Variants in DNER observed in about 807,000 individuals in gnomAD.
DNER encodes delta/notch like EGF repeat containing, also known as delta and Notch-like epidermal growth factor-related receptor.
In DNER, 33 loss-of-function variants were observed where a neutral mutation model predicts 78.2. The observed-to-expected ratio is 0.42, with a 90% CI of 0.32 to 0.56. The LOEUF (loss-of-function observed/expected upper bound fraction) is 0.56. DNER is among the 20% of genes least tolerant of loss of function. The pLI is 0.11. For missense variants in DNER, 918 were observed against 975.3 expected, an observed-to-expected ratio of 0.94 and a Z score of 0.78; for synonymous variants, 417 against 384.8, an observed-to-expected ratio of 1.08 and a Z score of -0.98.
intron 1 of DNER, among the ~76,000 whole-genome samples, chr2:229,629,427 A>C (rs1225498929): frequency 6.6e-6 from 1 of 152,238 alleles, no homozygotes; most frequent in African/African-American, 2.4e-5. Context: ...ACAGCACTGT[A>C]GTCACTATGT....
At chr2:229,577,524 A>G (rs1358642446) in intron 4 of DNER, among the ~76,000 whole-genome samples, 1 of 152,034 alleles carries the variant, frequency 6.6e-6, no homozygotes, top group African/African-American at 2.4e-5. Context: ...AACCCCAGCT[A>G]CTCAGGAGGC....
intron 10 of DNER, among the ~76,000 whole-genome samples, chr2:229,389,065 C>G (rs537961182): frequency 6.6e-6 from 1 of 151,972 alleles, no homozygotes; most frequent in Admixed American, 6.6e-5. Context: ...TCAGGCCCAC[C>G]TAAGGAGAGA....
chr2:229,629,291 A>G (rs541064756), intron 1 of DNER, among the ~76,000 whole-genome samples: 6 of 152,344 alleles, frequency 3.9e-5, no homozygotes, highest in Admixed American at 2.6e-4. Context: ...GCTTTCCAAT[A>G]TTCTAGTAAG....
intron 10 of DNER, among the ~76,000 whole-genome samples, chr2:229,395,665 G>A (rs889747524): frequency 6.6e-6 from 1 of 152,220 alleles, no homozygotes; most frequent in African/African-American, 2.4e-5. Flanking sequence ...TTGGGAGGCT[G>A]AGGAGGGCGG....
At chr2:229,382,268 A>C (rs958075363) in intron 11 of DNER, among the ~76,000 whole-genome samples, 1 of 152,220 alleles carries the variant, frequency 6.6e-6, no homozygotes, top group African/African-American at 2.4e-5. Context: ...AAGGTCACCA[A>C]CATCAAAGAC....
At chr2:229,477,330 T>C in intron 6 of DNER, 77 bp from the exon 7 acceptor site, 3 of 1,036,446 alleles carry the variant, frequency 2.9e-6, no homozygotes, top group Non-Finnish European at 2.9e-6. Context: ...AATTGATGGA[T>C]TCAACTGGTA....
intron 11 of DNER, among the ~76,000 whole-genome samples, chr2:229,372,780 T>G (rs1692514850): frequency 6.6e-6 from 1 of 152,044 alleles, no homozygotes; most frequent in Admixed American, 6.6e-5. Context: ...TAACTTGACC[T>G]ATGGTGATGG....
intron 4 of DNER, among the ~76,000 whole-genome samples, chr2:229,568,029 G>A (rs572456127): frequency 4.6e-5 from 7 of 152,130 alleles, no homozygotes; most frequent in East Asian, 1.9e-4. Context: ...TATCTAACAC[G>A]GATCACAGCA....
At chr2:229,474,956 GTC>G (rs913844076) in intron 7 of DNER, among the ~76,000 whole-genome samples, 4 of 152,016 alleles carry the variant, frequency 2.6e-5, no homozygotes, top group African/African-American at 9.7e-5. Flanking sequence ...TCCCACTCTT[GTC>G]TCTCTCTATG....
At chr2:229,592,592 T>TGAAACTCA (rs766067393) in intron 1 of DNER, among the ~76,000 whole-genome samples, 217 of 152,288 alleles carry the variant, frequency 1.4e-3, no homozygotes, top group Non-Finnish European at 2.7e-3. Context: ...CAGTCATATG[T>TGAAACTCA]GTTTCAATTA....
At chr2:229,644,824 G>A (rs1434060886) in intron 1 of DNER, among the ~76,000 whole-genome samples, 1 of 152,056 alleles carries the variant, frequency 6.6e-6, no homozygotes, top group Non-Finnish European at 1.5e-5. Flanking sequence ...AAACTGTAAT[G>A]GGTATTTCAA....
intron 1 of DNER, among the ~76,000 whole-genome samples, chr2:229,698,964 T>C (rs563409266): frequency 1.3e-5 from 2 of 152,326 alleles, no homozygotes; most frequent in South Asian, 4.1e-4. Flanking sequence ...GAAATAAGGC[T>C]GTTCTCAAGG....
chr2:229,620,317 C>G (rs1298355158), intron 1 of DNER, among the ~76,000 whole-genome samples: 2 of 152,164 alleles, frequency 1.3e-5, no homozygotes, highest in Non-Finnish European at 2.9e-5. Context: ...ATCAAAATTA[C>G]CATTTAATCT....
intron 7 of DNER, among the ~76,000 whole-genome samples, chr2:229,466,345 G>T (rs12464613): frequency 2.0e-5 from 3 of 151,948 alleles, no homozygotes; most frequent in South Asian, 4.1e-4. Flanking sequence ...CCCTAACCTC[G>T]CCCTGCTTTT....
At chr2:229,463,504 A>T (rs1420584637) in intron 7 of DNER, among the ~76,000 whole-genome samples, 1 of 152,164 alleles carries the variant, frequency 6.6e-6, no homozygotes, top group Non-Finnish European at 1.5e-5. Flanking sequence ...ATAGTGGCAT[A>T]ATCATGGCTC....
intron 2 of DNER, among the ~76,000 whole-genome samples, chr2:229,589,176 A>G (rs1333842906): frequency 6.6e-6 from 1 of 152,202 alleles, no homozygotes; most frequent in African/African-American, 2.4e-5. Context: ...AACCTGGCCA[A>G]TTTATGCACT....
At chr2:229,564,856 A>G (rs917119625) in intron 4 of DNER, among the ~76,000 whole-genome samples, 5 of 152,142 alleles carry the variant, frequency 3.3e-5, no homozygotes, top group African/African-American at 1.2e-4. Flanking sequence ...AAGGAAATTT[A>G]TTGCTCACAG....
At chr2:229,659,248 C>T (rs1698964879) in intron 1 of DNER, among the ~76,000 whole-genome samples, 1 of 152,148 alleles carries the variant, frequency 6.6e-6, no homozygotes, top group South Asian at 2.1e-4. Flanking sequence ...CAGAGGAACT[C>T]AGTTTTTTAG....
chr2:229,589,151 T>C (rs372143903), intron 2 of DNER, among the ~76,000 whole-genome samples: 4 of 152,364 alleles, frequency 2.6e-5, no homozygotes, highest in African/African-American at 9.6e-5. Context: ...CCTTGAGCTA[T>C]GTCCAGTGAG....
Sources: allele counts gnomAD v4.1 joint callset (sites outside exome capture counted in the v4.1 genomes callset), GRCh38; gene constraint gnomAD v4.1.1; transcripts MANE v1.5; gene names NCBI Gene and HGNC (gene_info 2026-07-23, HGNC 2026-07-21).